The following NCK1 variants were observed in gnomAD, a reference collection of about 807,000 sequenced individuals.
NCK1 encodes the protein SH2/SH3 adapter protein NCK1.
NCK1 carries 19 observed loss-of-function variants against 36.6 expected under a neutral mutation model. The ratio of observed to expected loss-of-function variants is 0.52; its 90% CI spans 0.36 to 0.76. NCK1 has a LOEUF of 0.76. Ranked by LOEUF, NCK1 falls within the 30% of genes least tolerant of loss-of-function variation. NCK1 has a pLI of 0.00. For missense variants in NCK1, 358 were observed against 445.6 expected, an observed-to-expected ratio of 0.80 and a Z score of 1.77; for synonymous variants, 165 against 156.0, an observed-to-expected ratio of 1.06 and a Z score of -0.43.
At chr3:136,909,322 TGA>T (rs1190305365) in intron 1 of NCK1, among the ~76,000 whole-genome samples, 1 of 152,132 alleles carries the variant, frequency 6.6e-6, no homozygotes, top group African/African-American at 2.4e-5. Flanking sequence ...AGAAGTTTGC[TGA>T]GAGGGGAAGG....
chr3:136,893,937 T>C (rs1939324259), intron 1 of NCK1, among the ~76,000 whole-genome samples: 1 of 152,208 alleles, frequency 6.6e-6, no homozygotes, highest in South Asian at 2.1e-4. Flanking sequence ...TCGGCTTTCA[T>C]CCTTGTGGGA....
At chr3:136,924,539 A>G (rs1331366141) in intron 1 of NCK1, among the ~76,000 whole-genome samples, 1 of 152,230 alleles carries the variant, frequency 6.6e-6, no homozygotes, top group East Asian at 1.9e-4. Flanking sequence ...CACTTAGCAA[A>G]AATTGAATAT....
intron 1 of NCK1, among the ~76,000 whole-genome samples, chr3:136,915,133 G>A (rs545057000): frequency 6.6e-6 from 1 of 152,118 alleles, no homozygotes; most frequent in African/African-American, 2.4e-5. Flanking sequence ...ATTAGCCTCA[G>A]GCATTCCTTT....
intron 1 of NCK1, among the ~76,000 whole-genome samples, chr3:136,864,603 G>T (rs560980318): frequency 2.0e-5 from 3 of 152,202 alleles, no homozygotes; most frequent in Non-Finnish European, 4.4e-5. Flanking sequence ...GGGAGGCCAA[G>T]GCGGGAGGAT....
At chr3:136,874,630 T>A (rs980067478) in intron 1 of NCK1, among the ~76,000 whole-genome samples, 1 of 152,228 alleles carries the variant, frequency 6.6e-6, no homozygotes, top group African/African-American at 2.4e-5. Flanking sequence ...TGGCATTTCT[T>A]CCTTTCTGAT....
In NCK1 at chr3:136,950,199, G is replaced by C. The variant is rs1490225007; in HGVS notation, c.*1746G>C. On this transcript the variant is annotated 3_prime_UTR_variant, in exon 4 of 4. Coordinates refer to ENST00000481752, the MANE Select transcript of NCK1 (RefSeq NM_001291999.2). ...TCATCTTAATTTTTAACATATATTT[G>C]ATGATGCTTTCCTTTTCTCTGTATG... is the stretch of plus-strand genomic sequence containing the variant. Among the ~76,000 whole-genome samples, 1 of 152,056 alleles carries C rather than the reference G, an allele frequency of 6.6e-6. No individual in the cohort carries two copies. Among genetic ancestry groups the C allele is most frequent in the African/African-American group, 2.4e-5 (1 of 41,436 alleles).
intron 1 of NCK1, among the ~76,000 whole-genome samples, chr3:136,869,148 G>C (rs1576939303): frequency 6.6e-6 from 1 of 151,684 alleles, no homozygotes; most frequent in African/African-American, 2.4e-5. Context: ...GCAGAGGCAG[G>C]AGAATGGCTT....
At chr3:136,934,004 G>A (rs528332313) in intron 2 of NCK1, among the ~76,000 whole-genome samples, 4 of 151,980 alleles carry the variant, frequency 2.6e-5, no homozygotes, top group African/African-American at 9.7e-5. Context: ...CACCTTGCCC[G>A]GCCAAGTTTA....
chr3:136,934,819 T>A (rs1442646567), intron 2 of NCK1, among the ~76,000 whole-genome samples: 2 of 152,196 alleles, frequency 1.3e-5, no homozygotes, highest in Non-Finnish European at 2.9e-5. Context: ...ATTTTATTAC[T>A]AAAGAGTAGA....
At chr3:136,902,195 T>TG (rs1553794854) in intron 1 of NCK1, among the ~76,000 whole-genome samples, 3,342 of 100,776 alleles carry the variant, frequency 0.033, 112 homozygotes, top group African/African-American at 0.09. Flanking sequence ...TTTTTTTTTT[T>TG]TTTTTTTGTT....
intron 2 of NCK1, among the ~76,000 whole-genome samples, chr3:136,943,093 A>G (rs1246067346): frequency 1.3e-5 from 2 of 151,878 alleles, no homozygotes; most frequent in African/African-American, 4.8e-5. Context: ...TCTTTACCAC[A>G]AAGCAGCAAC....
At chr3:136,877,725 C>G (rs969073387) in intron 1 of NCK1, among the ~76,000 whole-genome samples, 1 of 152,156 alleles carries the variant, frequency 6.6e-6, no homozygotes, top group African/African-American at 2.4e-5. Context: ...TGGGAAACTT[C>G]TTAGTGGACT....
intron 1 of NCK1, among the ~76,000 whole-genome samples, chr3:136,870,196 G>T (rs1938571366): frequency 6.6e-6 from 1 of 151,874 alleles, no homozygotes; most frequent in Non-Finnish European, 1.5e-5. Context: ...ACAAAATTTA[G>T]CTGGGCGTGG....
chr3:136,908,561 C>T (rs1939745538), intron 1 of NCK1, among the ~76,000 whole-genome samples: 1 of 152,042 alleles, frequency 6.6e-6, no homozygotes, highest in African/African-American at 2.4e-5. Context: ...AACTGGAGAC[C>T]AAATCTGTGG....
Position 136,937,849 on chromosome 3 carries a change from T to G in NCK1, c.227-7734T>G, listed in dbSNP as rs150689193. On this transcript the variant is annotated intron_variant, in intron 2 of 3. Coordinates refer to ENST00000481752, the MANE Select transcript of NCK1 (RefSeq NM_001291999.2). ...AGTGTGTGGGTGTGTGTGTATTCTTTAGGATTTTCTATTTATAAGATCATG... is the reference window on the plus strand; with the variant it reads ...AGTGTGTGGGTGTGTGTGTATTCTTGAGGATTTTCTATTTATAAGATCATG... Among the ~76,000 whole-genome samples the G allele has an allele frequency of 3.0e-3, 458 of 152,208 alleles. 5 individuals are homozygous for G. Among genetic ancestry groups the G allele is most frequent in the Admixed American group, 4.8e-3 (74 of 15,286 alleles).
chr3:136,911,851 A>T (rs1457113449), intron 1 of NCK1, among the ~76,000 whole-genome samples: 1 of 151,720 alleles, frequency 6.6e-6, no homozygotes, highest in African/African-American at 2.4e-5. Context: ...CCAGTATAGG[A>T]TTCTTAGCTG....
chr3:136,880,593 T>C (rs987606840), intron 1 of NCK1, among the ~76,000 whole-genome samples: 7 of 152,046 alleles, frequency 4.6e-5, no homozygotes, highest in Non-Finnish European at 8.8e-5. Flanking sequence ...CCACTTGATA[T>C]CTCATGGATC....
At chr3:136,914,914 C>T (rs1270641910) in intron 1 of NCK1, among the ~76,000 whole-genome samples, 1 of 152,120 alleles carries the variant, frequency 6.6e-6, no homozygotes, top group Non-Finnish European at 1.5e-5. Flanking sequence ...ATATTAGTTC[C>T]TGTGGGAGCC....
At chr3:136,884,216 G>C (rs1394690005) in intron 1 of NCK1, among the ~76,000 whole-genome samples, 2 of 152,122 alleles carry the variant, frequency 1.3e-5, no homozygotes, top group Non-Finnish European at 2.9e-5. Flanking sequence ...GTGGCGTGGA[G>C]GGAGGGAAAC....
Sources: gnomAD v4.1 joint callset for allele counts (sites outside exome capture counted in the v4.1 genomes callset) on GRCh38, gnomAD v4.1.1 for gene constraint, MANE v1.5 for transcripts, NCBI Gene and HGNC (gene_info 2026-07-23, HGNC 2026-07-21) for gene names.